GMDS: variants seen among roughly 807,000 people sequenced by gnomAD.
GMDS encodes GDP-mannose 4,6-dehydratase, also known as GDP-mannose 4,6 dehydratase.
Under a neutral mutation model 49.9 loss-of-function variants are expected in GMDS, and 20 were observed. That is an observed-to-expected ratio of 0.40 (90% CI 0.28 to 0.58). The LOEUF (loss-of-function observed/expected upper bound fraction) is 0.58, where lower values mean the gene tolerates loss of function less well. Ranked by LOEUF, GMDS falls within the 20% of genes least tolerant of loss-of-function variation. The pLI, the probability that GMDS is intolerant of heterozygous loss-of-function variation, is 0.42. For missense variants in GMDS, 362 were observed against 481.4 expected, an observed-to-expected ratio of 0.75 and a Z score of 2.32; for synonymous variants, 177 against 178.6, an observed-to-expected ratio of 0.99 and a Z score of 0.07.
chr6:2,069,283 C>A lies in GMDS; in HGVS notation c.345+46488G>T, dbSNP rs193284118. On this transcript the variant is annotated intron_variant, in intron 4 of 10. Transcript: ENST00000380815. ...AAATCAATTCAAGATGGATTAAAGA[C>A]TTAAACGTTAGATCTAAAACGATAA... is the stretch of plus-strand genomic sequence containing the variant. Among the ~76,000 whole-genome samples, 3 of 152,340 alleles carry A rather than the reference C, an allele frequency of 2.0e-5. No individual in the cohort carries two copies. The East Asian group carries it at 5.8e-4, about 29-fold the overall frequency.
intron 9 of GMDS, among the ~76,000 whole-genome samples, chr6:1,717,072 T>G (rs997562960): frequency 1.3e-5 from 2 of 152,196 alleles, no homozygotes; most frequent in Non-Finnish European, 2.9e-5. Flanking sequence ...ATTAACTCAG[T>G]ATTCCCTGCC....
chr6:2,164,491 A>C (rs566377289), intron 1 of GMDS, among the ~76,000 whole-genome samples: 1 of 152,328 alleles, frequency 6.6e-6, no homozygotes, highest in Admixed American at 6.5e-5. Flanking sequence ...ATGCAGGGTT[A>C]ATGCCCTCAA....
rs1768381384 is a variant in GMDS, at chr6:1,766,973, C to G, written c.772-24387G>C. On this transcript the variant is annotated intron_variant, in intron 7 of 10. Coordinates refer to ENST00000380815, the MANE Select transcript of GMDS (RefSeq NM_001500.4). This position sits in a 1 kb window ranked among gnomAD's most constrained non-coding sequence, Gnocchi z 4.5. The stretch of plus-strand genomic sequence containing the variant: ...TAAGTGTAAAATCGAGCAGGGATCC[C>G]CAAACCTTCCTCTCACACCACAGCT... Among the ~76,000 whole-genome samples, 1 of 152,146 alleles carries G rather than the reference C, an allele frequency of 6.6e-6. No homozygotes were observed. The highest frequency in any genetic ancestry group is 2.4e-5 in the African/African-American group (1 of 41,428).
chr6:1,938,778 G>T (rs1281012183), intron 6 of GMDS, among the ~76,000 whole-genome samples: 1 of 151,850 alleles, frequency 6.6e-6, no homozygotes, highest in African/African-American at 2.4e-5. Context: ...AAGGATATTA[G>T]ACTACTACTT....
intron 4 of GMDS, among the ~76,000 whole-genome samples, chr6:2,111,947 G>A (rs1342950036): frequency 6.6e-6 from 1 of 152,188 alleles, no homozygotes; most frequent in African/African-American, 2.4e-5. Context: ...GAGAGCCCTG[G>A]AGAGGTGAGG....
chr6:1,788,297 G>A (rs1192648966), intron 7 of GMDS, among the ~76,000 whole-genome samples: 2 of 152,174 alleles, frequency 1.3e-5, no homozygotes, highest in Non-Finnish European at 2.9e-5. Flanking sequence ...GATGTCTTAC[G>A]CGTACTGTGT....
At chr6:1,924,906 C>T (rs760828348) in intron 7 of GMDS, among the ~76,000 whole-genome samples, 2 of 151,846 alleles carry the variant, frequency 1.3e-5, no homozygotes, top group Non-Finnish European at 1.5e-5. Context: ...TTGAACTGGC[C>T]GAAATCGCAC....
At chr6:1,922,741 C>T (rs750452773) in intron 7 of GMDS, among the ~76,000 whole-genome samples, 1 of 152,180 alleles carries the variant, frequency 6.6e-6, no homozygotes, top group African/African-American at 2.4e-5. Flanking sequence ...GATGGCTTGA[C>T]TCAGGGAAGA....
intron 4 of GMDS, among the ~76,000 whole-genome samples, chr6:2,111,946 G>A (rs1774569640): frequency 6.6e-6 from 1 of 152,170 alleles, no homozygotes; most frequent in South Asian, 2.1e-4. Context: ...GGAGAGCCCT[G>A]GAGAGGTGAG....
At chr6:2,041,164 T>C (rs2127427575) in intron 4 of GMDS, among the ~76,000 whole-genome samples, 1 of 152,286 alleles carries the variant, frequency 6.6e-6, no homozygotes, top group South Asian at 2.1e-4. Context: ...TACAAATGCA[T>C]GTAAATATGT....
chr6:1,813,372 G>A (rs1770526811), intron 7 of GMDS, among the ~76,000 whole-genome samples: 1 of 151,938 alleles, frequency 6.6e-6, no homozygotes, highest in Admixed American at 6.6e-5. Context: ...TTAGATGAAG[G>A]TTCAGAAGAG....
At chr6:1,765,391 CAA>C (rs140040063) in intron 7 of GMDS, among the ~76,000 whole-genome samples, 46 of 152,272 alleles carry the variant, frequency 3.0e-4, no homozygotes, top group African/African-American at 1.1e-3. Context: ...AACCCATTAA[CAA>C]GCACTGAGAA....
intron 4 of GMDS, among the ~76,000 whole-genome samples, chr6:2,091,386 G>A (rs1294624237): frequency 2.0e-5 from 3 of 152,176 alleles, no homozygotes; most frequent in African/African-American, 7.2e-5. Flanking sequence ...TAAATGTTAA[G>A]TGATAATGAG....
intron 4 of GMDS, among the ~76,000 whole-genome samples, chr6:2,032,939 A>T (rs1425537394): frequency 6.6e-6 from 1 of 152,208 alleles, no homozygotes; most frequent in African/African-American, 2.4e-5. Context: ...ACCAATCTGG[A>T]ACTTCTCAAA....
intron 4 of GMDS, among the ~76,000 whole-genome samples, chr6:2,024,361 A>G (rs1027396286): frequency 2.0e-5 from 3 of 152,200 alleles, no homozygotes; most frequent in African/African-American, 7.2e-5. Context: ...CAGAAATAAC[A>G]GTGAGTAAAG....
chr6:2,154,360 A>T (rs1776996393), intron 1 of GMDS, among the ~76,000 whole-genome samples: 1 of 152,166 alleles, frequency 6.6e-6, no homozygotes, highest in Non-Finnish European at 1.5e-5. Flanking sequence ...TCCAACAGCA[A>T]AATAACATTT....
At chr6:1,828,080 T>C (rs904274303) in intron 7 of GMDS, among the ~76,000 whole-genome samples, 2 of 151,542 alleles carry the variant, frequency 1.3e-5, no homozygotes, top group African/African-American at 4.9e-5. Flanking sequence ...AAAATGAGAA[T>C]AACAACAAAA....
intron 1 of GMDS, among the ~76,000 whole-genome samples, chr6:2,164,224 C>T (rs1777549875): frequency 6.6e-6 from 1 of 152,148 alleles, no homozygotes; most frequent in Admixed American, 6.5e-5. Context: ...ACGTTTCTTC[C>T]ACCATTATTC....
intron 7 of GMDS, among the ~76,000 whole-genome samples, chr6:1,874,267 C>A (rs1191537103): frequency 2.0e-5 from 3 of 152,028 alleles, no homozygotes; most frequent in African/African-American, 7.2e-5. Flanking sequence ...ATGTGAAAAT[C>A]AACAGATAGT....
Sources: allele counts gnomAD v4.1 joint callset (sites outside exome capture counted in the v4.1 genomes callset), GRCh38; gene constraint gnomAD v4.1.1; non-coding constraint Gnocchi (gnomAD v3.1); transcripts MANE v1.5; gene names NCBI Gene and HGNC (gene_info 2026-07-23, HGNC 2026-07-21).